FBXL13: variants seen among roughly 807,000 people sequenced by gnomAD.
The protein encoded by FBXL13 is F-box and leucine rich repeat protein 13, also known as F-box and leucine-rich repeat protein 13.
In FBXL13, 67 loss-of-function variants were observed where a neutral mutation model predicts 83.6. That is an observed-to-expected ratio of 0.80 (90% CI 0.66 to 0.98). FBXL13 has a LOEUF of 0.98. Among genes scored for constraint, FBXL13 ranks in the 50% least tolerant of loss-of-function variants. FBXL13 has a pLI of 0.00. For missense variants in FBXL13, 822 were observed against 866.5 expected (o/e 0.95, Z 0.64); for synonymous variants, 272 against 299.5 (o/e 0.91, Z 0.95).
chr7:102,844,222 T>G (rs762304938), intron 17 of FBXL13, among the ~76,000 whole-genome samples: 3 of 152,220 alleles, frequency 2.0e-5, no homozygotes, highest in Non-Finnish European at 4.4e-5. Flanking sequence ...CATTTATTAA[T>G]TATCTTTTAT....
intron 1 of FBXL13, among the ~76,000 whole-genome samples, chr7:103,056,061 C>G (rs1032913558): frequency 6.6e-6 from 1 of 152,230 alleles, no homozygotes; most frequent in East Asian, 1.9e-4. Context: ...TCTTTGCATC[C>G]TCATAGTTTA....
chr7:103,024,528 C>CAAA (rs11318355), intron 6 of FBXL13, among the ~76,000 whole-genome samples: 1 of 46,786 alleles, frequency 2.1e-5, no homozygotes, highest in Non-Finnish European at 3.8e-5. Context: ...AACTCCATCT[C>CAAA]AAAAAAAAAA....
chr7:103,034,286 A>G (rs1378516025), intron 2 of FBXL13, among the ~76,000 whole-genome samples: 2 of 152,078 alleles, frequency 1.3e-5, no homozygotes, highest in African/African-American at 4.8e-5. Flanking sequence ...CGCACCGTGG[A>G]GCGGGGGGCG....
At chr7:103,052,647 C>T (rs959237615) in intron 2 of FBXL13, among the ~76,000 whole-genome samples, 16 of 152,130 alleles carry the variant, frequency 1.1e-4, no homozygotes, top group African/African-American at 3.4e-4. Context: ...ATGAAGTGGA[C>T]ACCTTTTCTA....
At chr7:102,958,564 T>C (rs185932872) in intron 8 of FBXL13, among the ~76,000 whole-genome samples, 2 of 110,494 alleles carry the variant, frequency 1.8e-5, no homozygotes, top group African/African-American at 6.4e-5. Flanking sequence ...ATAATAATAA[T>C]AATAAAACAG....
rs117715481 is a variant in FBXL13, at chr7:103,027,380, A to C, written c.327+69T>G. ...TTTAGTATTTTCCACACACGGCATT[A>C]CTATTTGAGGCAACATGAATATAAC... On this transcript the variant is annotated intron_variant, in intron 5 of 19. Coordinates refer to ENST00000313221, the Ensembl canonical transcript of FBXL13. The C allele has an allele frequency of 1.5e-3, 1,485 of 983,080 alleles. 4 individuals carry two copies. Among genetic ancestry groups the C allele is most frequent in the Non-Finnish European group, 2.1e-3 (1,372 of 639,044 alleles). The allele number at this position is 983,080 out of a possible 1,614,324, so 60.9% of individuals were successfully genotyped here.
chr7:102,880,224 G>A (rs1359920388), intron 14 of FBXL13, among the ~76,000 whole-genome samples: 1 of 152,120 alleles, frequency 6.6e-6, no homozygotes, highest in Non-Finnish European at 1.5e-5. Context: ...ATTGATGTGT[G>A]TTTGAGAAAA....
chr7:103,071,418 C>T (rs903085915), intron 1 of FBXL13, among the ~76,000 whole-genome samples: 4 of 152,136 alleles, frequency 2.6e-5, no homozygotes, highest in South Asian at 4.2e-4. Context: ...GGGTCTTGCT[C>T]CATCACCCAG....
intron 6 of FBXL13, among the ~76,000 whole-genome samples, chr7:102,980,635 G>A (rs1828083360): frequency 6.6e-6 from 1 of 152,106 alleles, no homozygotes; most frequent in South Asian, 2.1e-4. Context: ...GAATTAGCCG[G>A]GTGTGGTGGT....
intron 6 of FBXL13, among the ~76,000 whole-genome samples, chr7:103,022,005 A>T (rs1012447861): frequency 2.0e-5 from 3 of 152,236 alleles, no homozygotes; most frequent in Non-Finnish European, 4.4e-5. Flanking sequence ...ATTATAAATC[A>T]TGCTGCTATA....
chr7:102,866,328 T>C (rs1303116918), intron 16 of FBXL13, among the ~76,000 whole-genome samples: 2 of 152,092 alleles, frequency 1.3e-5, no homozygotes, highest in East Asian at 1.9e-4. Flanking sequence ...CAGGAGACAA[T>C]GGACCATAAC....
At chr7:102,901,509 A>AT (rs199992019) in intron 11 of FBXL13, among the ~76,000 whole-genome samples, 4,128 of 151,846 alleles carry the variant, frequency 0.027, 87 homozygotes, top group Non-Finnish European at 0.036. Flanking sequence ...TATTCTTTCT[A>AT]TTTTTTTTAT....
At chr7:102,973,515 G>A (rs749169444) in intron 6 of FBXL13, 1 of 763,800 alleles carries the variant, frequency 1.3e-6, no homozygotes, top group Non-Finnish European at 2.4e-6. Flanking sequence ...GCCTTAGCCT[G>A]CCTGCACCCA....
chr7:102,952,284 G>T (rs1005113775), intron 8 of FBXL13, among the ~76,000 whole-genome samples: 1 of 152,170 alleles, frequency 6.6e-6, no homozygotes. Flanking sequence ...GATGATGGTT[G>T]CATAAGAATG....
chr7:102,944,064 C>A, intron 8 of FBXL13: 1 of 631,906 alleles, frequency 1.6e-6, no homozygotes. Flanking sequence ...AAAGTAAAAG[C>A]TCTGAGAAAA....
intron 1 of FBXL13, among the ~76,000 whole-genome samples, chr7:103,060,063 T>TATATATAG (rs1429819167): frequency 1.7e-5 from 2 of 115,242 alleles, no homozygotes; most frequent in Non-Finnish European, 3.7e-5. Context: ...TATATATATA[T>TATATATAG]ACTTTTTTTT....
chr7:102,838,043 A>G (rs1267033466), intron 17 of FBXL13, among the ~76,000 whole-genome samples: 2 of 152,222 alleles, frequency 1.3e-5, no homozygotes, highest in South Asian at 4.1e-4. Flanking sequence ...ATGAGCTTCC[A>G]TATATGGCCC....
chr7:102,890,758 T>C (rs773974704), intron 11 of FBXL13, among the ~76,000 whole-genome samples: 1 of 152,194 alleles, frequency 6.6e-6, no homozygotes, highest in Non-Finnish European at 1.5e-5. Context: ...CAAAACTGCC[T>C]GTGAGTCAGC....
At position 102,913,227 on chromosome 7, in the gene FBXL13, A is replaced by G. The variant is rs1815115803; in HGVS notation, c.879-12T>C. ...AGTTGTGGAAGTGCCTGAAAAGACA[A>G]AAGAGAGGAAGGAAAGTATTATACT... On this transcript the variant is annotated splice_polypyrimidine_tract_variant and intron_variant, in intron 10 of 19. Coordinates refer to ENST00000313221, the Ensembl canonical transcript of FBXL13. The G allele has an allele frequency of 6.2e-7, 1 of 1,614,096 alleles. No individual in the cohort carries two copies. The highest frequency in any genetic ancestry group is 2.2e-5 in the East Asian group (1 of 44,884).
Sources: gnomAD v4.1 joint callset for allele counts (sites outside exome capture counted in the v4.1 genomes callset) on GRCh38, gnomAD v4.1.1 for gene constraint, MANE v1.5 for transcripts, NCBI Gene and HGNC (gene_info 2026-07-23, HGNC 2026-07-21) for gene names.